Variants in GALNT7 observed in about 807,000 individuals in gnomAD.
GALNT7 encodes N-acetylgalactosaminyltransferase 7.
Under a neutral mutation model 82.1 loss-of-function variants are expected in GALNT7, and 60 were observed. That is an observed-to-expected ratio of 0.73 (90% CI 0.59 to 0.91). The LOEUF (loss-of-function observed/expected upper bound fraction) is 0.91. Ranked by LOEUF, GALNT7 falls within the 40% of genes least tolerant of loss-of-function variation. GALNT7 has a pLI of 0.00. For synonymous variants in GALNT7, 243 were observed against 275.1 expected, an observed-to-expected ratio of 0.88 and a Z score of 1.15; for missense variants, 660 against 804.2, an observed-to-expected ratio of 0.82 and a Z score of 2.17.
chr4:173,226,310 A>C (rs901905516), intron 1 of GALNT7, among the ~76,000 whole-genome samples: 3 of 152,122 alleles, frequency 2.0e-5, no homozygotes, highest in African/African-American at 7.2e-5. Context: ...TTTTTAACCC[A>C]GTTGTACCAG....
intron 3 of GALNT7, among the ~76,000 whole-genome samples, chr4:173,293,532 T>TTTAAGA (rs112626437): frequency 0.033 from 5,076 of 152,268 alleles, 272 homozygotes; most frequent in African/African-American, 0.11. Flanking sequence ...AAGTAAAACT[T>TTTAAGA]TAAAGATTTT....
At chr4:173,306,611 A>G (rs1737163918) in intron 8 of GALNT7, among the ~76,000 whole-genome samples, 1 of 152,142 alleles carries the variant, frequency 6.6e-6, no homozygotes, top group East Asian at 1.9e-4. Flanking sequence ...TGAGATGATT[A>G]TATGGTTTTT....
chr4:173,302,024 A>C lies in GALNT7; in HGVS notation c.1149-23A>C. 1 of 1,048,374 alleles carries C rather than the reference A, an allele frequency of 9.5e-7. No individual in the cohort carries two copies. Among genetic ancestry groups the C allele is most frequent in the Non-Finnish European group, 1.5e-6 (1 of 665,108 alleles). 64.9% of individuals were successfully genotyped at this position (1,048,374 alleles called of 1,614,324 possible). On this transcript the variant is annotated intron_variant, in intron 6 of 11. Transcript: ENST00000265000. This position sits in a 1 kb window ranked among gnomAD's most constrained non-coding sequence, Gnocchi z 4.2. ...TATTGGGGGTTTGTCTGTAATGGTT[A>C]TTGCAGTGTTTCTTTTTCTTAGGTC...
intron 9 of GALNT7, among the ~76,000 whole-genome samples, chr4:173,315,412 T>C (rs1271662621): frequency 1.3e-5 from 2 of 152,118 alleles, no homozygotes; most frequent in African/African-American, 4.8e-5. Flanking sequence ...TGATCATAGA[T>C]TGTAGGTTGT....
At chr4:173,172,013 G>A (rs1352812808) in intron 1 of GALNT7, among the ~76,000 whole-genome samples, 2 of 152,208 alleles carry the variant, frequency 1.3e-5, no homozygotes, top group African/African-American at 4.8e-5. Context: ...CCTCCTGTGG[G>A]AAAGAATTTA....
intron 1 of GALNT7, among the ~76,000 whole-genome samples, chr4:173,247,621 C>T (rs1734690782): frequency 6.6e-6 from 1 of 152,134 alleles, no homozygotes. Context: ...ACTGTACAAA[C>T]ATGACCTATT....
chr4:173,181,766 A>G (rs191564842), intron 1 of GALNT7, among the ~76,000 whole-genome samples: 59 of 152,316 alleles, frequency 3.9e-4, no homozygotes, highest in Middle Eastern at 3.4e-3. Context: ...GTATCATCCA[A>G]GTATTGGTCA....
chr4:173,260,764 A>G (rs528962499), intron 2 of GALNT7, among the ~76,000 whole-genome samples: 66 of 152,318 alleles, frequency 4.3e-4, no homozygotes, highest in African/African-American at 1.4e-3. Context: ...CAAAAATATC[A>G]CCAAACTTCT....
chr4:173,191,663 T>A (rs985828035), intron 1 of GALNT7, among the ~76,000 whole-genome samples: 4 of 152,200 alleles, frequency 2.6e-5, no homozygotes, highest in African/African-American at 9.7e-5. Flanking sequence ...AGAAGAGTGG[T>A]CTGCTCAGTC....
intron 2 of GALNT7, among the ~76,000 whole-genome samples, chr4:173,253,271 T>C (rs1734909655): frequency 6.6e-6 from 1 of 151,990 alleles, no homozygotes; most frequent in African/African-American, 2.4e-5. Context: ...ATGAGTAGGG[T>C]GCCTTCAGGA....
rs1044884727 is a variant in GALNT7, at chr4:173,298,263, A to G, written c.1114A>G (p.Lys372Glu). 7.5e-6 allele frequency: 12 copies of G among 1,589,814 alleles called. No homozygotes were observed. In the African/African-American group the frequency reaches 1.4e-4, roughly 18 times the overall value. ...WKRVPLTPQE[K>E]RLRKTKTEPY... ...ACGGGTGCCTCTGACCCCTCAAGAGAAGAGACTGAGAAAGACAAAAACTGA... is the reference window on the plus strand; with the variant it reads ...ACGGGTGCCTCTGACCCCTCAAGAGGAGAGACTGAGAAAGACAAAAACTGA... The change falls in exon 6 of 12, where the codon AAG (lysine) becomes GAG (glutamate). Residue 372 changes from lysine (K) to glutamate (E), a missense_variant. Physicochemically the swap from Lys to Glu is moderately conservative, Grantham distance 56 (BLOSUM62 1). Coordinates refer to ENST00000265000, the MANE Select transcript of GALNT7 (RefSeq NM_017423.3).
intron 2 of GALNT7, among the ~76,000 whole-genome samples, chr4:173,261,395 T>TG (rs1735255725): frequency 6.6e-6 from 1 of 151,872 alleles, no homozygotes; most frequent in Non-Finnish European, 1.5e-5. Context: ...TTTTTGTTTT[T>TG]TTTTTTCTCA....
intron 2 of GALNT7, among the ~76,000 whole-genome samples, chr4:173,262,739 TCAGACG>T (rs1280352703): frequency 7.9e-5 from 12 of 152,048 alleles, no homozygotes; most frequent in Admixed American, 3.3e-4. Context: ...CAGATCAGTC[TCAGACG>T]CTTTTCCTTG....
intron 1 of GALNT7, among the ~76,000 whole-genome samples, chr4:173,182,799 CTAG>C (rs1296313869): frequency 7.5e-6 from 1 of 133,026 alleles, no homozygotes; most frequent in African/African-American, 3.0e-5. Flanking sequence ...AATGATGAGG[CTAG>C]TAGGTTACTC....
At chr4:173,219,121 C>T (rs926011193) in intron 1 of GALNT7, among the ~76,000 whole-genome samples, 2 of 151,986 alleles carry the variant, frequency 1.3e-5, no homozygotes, top group African/African-American at 4.8e-5. Context: ...TTTTATCCCT[C>T]TCCTCCCTCC....
chr4:173,318,268 C>T (rs906109509), intron 10 of GALNT7, among the ~76,000 whole-genome samples, 163 bp from the exon 11 acceptor site: 1 of 152,080 alleles, frequency 6.6e-6, no homozygotes, highest in Non-Finnish European at 1.5e-5. Flanking sequence ...TCACTAACAT[C>T]AAAATAAATA....
chr4:173,276,052 A>G (rs1427997524), intron 2 of GALNT7, among the ~76,000 whole-genome samples: 3 of 152,208 alleles, frequency 2.0e-5, no homozygotes, highest in Non-Finnish European at 4.4e-5. Flanking sequence ...CCATCCATTA[A>G]TTCCATGAGC....
At chr4:173,173,673 GT>G (rs1467562192) in intron 1 of GALNT7, among the ~76,000 whole-genome samples, 1 of 152,202 alleles carries the variant, frequency 6.6e-6, no homozygotes, top group East Asian at 1.9e-4. Flanking sequence ...ATGACCCAGG[GT>G]TGGGGACCCC....
chr4:173,210,818 A>C (rs1392107895), intron 1 of GALNT7, among the ~76,000 whole-genome samples: 1 of 152,240 alleles, frequency 6.6e-6, no homozygotes, highest in Non-Finnish European at 1.5e-5. Context: ...AATATTAAAT[A>C]TCTTTTGTAG....
Sources: gnomAD v4.1 joint callset for allele counts (sites outside exome capture counted in the v4.1 genomes callset) on GRCh38, gnomAD v4.1.1 for gene constraint, Gnocchi (gnomAD v3.1) non-coding constraint, MANE v1.5 for transcripts, NCBI Gene and HGNC (gene_info 2026-07-23, HGNC 2026-07-21) for gene names.